CLNK: variants seen among roughly 807,000 people sequenced by gnomAD.
CLNK encodes cytokine dependent hematopoietic cell linker.
In CLNK, 74 loss-of-function variants were observed where a neutral mutation model predicts 68.6. The observed-to-expected ratio is 1.08, with a 90% CI of 0.89 to 1.31. CLNK has a LOEUF of 1.31. CLNK is among the 50% of genes most tolerant of loss of function. The pLI, the probability that CLNK is intolerant of heterozygous loss-of-function variation, is 0.00. For missense variants in CLNK, 553 were observed against 515.3 expected (o/e 1.07, Z -0.71); for synonymous variants, 198 against 172.2 (o/e 1.15, Z -1.17).
intron 7 of CLNK, among the ~76,000 whole-genome samples, chr4:10,563,061 C>A (rs1454836292): frequency 6.6e-6 from 1 of 152,200 alleles, no homozygotes; most frequent in Non-Finnish European, 1.5e-5. Context: ...TTTTTCATCA[C>A]TCGTCTTGCT....
Position 10,507,996 on chromosome 4 carries a change from C to G in CLNK, c.947G>C (p.Arg316Pro), listed in dbSNP as rs553669861. The G allele has an allele frequency of 2.5e-6, 4 of 1,610,662 alleles. No individual in the cohort carries two copies. The East Asian group carries it at 8.9e-5, about 36-fold the overall frequency. Residue 316 changes from arginine (R) to proline (P), a missense_variant, in exon 17 of 19, where the codon CGC (arginine) becomes CCC (proline). Coordinates refer to ENST00000226951, the MANE Select transcript of CLNK (RefSeq NM_052964.4). Reference sequence around the variant, plus strand: ...CATGAATGCCTCTTCCACTGCCTGGCGGCTGTATTCTCCAATGTACCATTC... The same window carrying G: ...CATGAATGCCTCTTCCACTGCCTGGGGGCTGTATTCTCCAATGTACCATTC... ...HNEWYIGEYS[R>P]QAVEEAFMKE...
At chr4:10,551,298 G>T (rs1023843893) in intron 8 of CLNK, among the ~76,000 whole-genome samples, 1 of 152,142 alleles carries the variant, frequency 6.6e-6, no homozygotes, top group Non-Finnish European at 1.5e-5. Flanking sequence ...ACGCTGGAGT[G>T]CAGTGGTGTG....
intron 17 of CLNK, among the ~76,000 whole-genome samples, chr4:10,502,895 A>G (rs1717112769): frequency 1.3e-5 from 2 of 152,046 alleles, no homozygotes; most frequent in South Asian, 4.2e-4. Flanking sequence ...AGAGGTGGAG[A>G]CTGAGGGTTT....
intron 15 of CLNK, among the ~76,000 whole-genome samples, chr4:10,518,502 G>A (rs1717929492): frequency 6.6e-6 from 1 of 152,124 alleles, no homozygotes; most frequent in Non-Finnish European, 1.5e-5. Flanking sequence ...AAGCATTGGT[G>A]AACAAACACT....
intron 14 of CLNK, among the ~76,000 whole-genome samples, chr4:10,523,144 A>G (rs894657800): frequency 6.6e-6 from 1 of 152,216 alleles, no homozygotes; most frequent in Non-Finnish European, 1.5e-5. Context: ...TTTTAGAGAT[A>G]TAATTTTGGG....
chr4:10,543,176 C>A (rs1688303639), intron 8 of CLNK, among the ~76,000 whole-genome samples: 1 of 152,066 alleles, frequency 6.6e-6, no homozygotes, highest in African/African-American at 2.4e-5. Context: ...GCATCATGAA[C>A]AATCTGATAA....
chr4:10,642,793 A>G (rs1373654642), intron 2 of CLNK, among the ~76,000 whole-genome samples: 1 of 152,184 alleles, frequency 6.6e-6, no homozygotes, highest in East Asian at 1.9e-4. Flanking sequence ...TCAACTCTAA[A>G]ATGGTAATAA....
At chr4:10,616,269 C>G (rs1164602789) in intron 2 of CLNK, among the ~76,000 whole-genome samples, 1 of 152,154 alleles carries the variant, frequency 6.6e-6, no homozygotes, top group Non-Finnish European at 1.5e-5. Flanking sequence ...ACTTACACCA[C>G]AGAAATTGGC....
chr4:10,595,768 C>G (rs1017954675), intron 3 of CLNK, among the ~76,000 whole-genome samples: 16 of 152,158 alleles, frequency 1.1e-4, no homozygotes, highest in Admixed American at 6.5e-5. Flanking sequence ...AAGTTATTCA[C>G]CCTCTCTGGG....
the CLNK span, among the ~76,000 whole-genome samples, chr4:10,715,878 G>A: frequency 2.0e-5 from 3 of 152,198 alleles, no homozygotes; most frequent in Non-Finnish European, 2.9e-5. Context: ...GCCTGCAGAT[G>A]TAGGAAAATG....
chr4:10,537,637 C>CTCTTTCTTTCTTTCTTTCTT (rs57141867), intron 11 of CLNK, among the ~76,000 whole-genome samples: 2 of 76,196 alleles, frequency 2.6e-5, no homozygotes, highest in African/African-American at 1.1e-4. Flanking sequence ...TTCTTTCTTT[C>CTCTTTCTTTCTTTCTTTCTT]TCTTTCTTTC....
At chr4:10,679,603 TG>T (rs1560276633) in intron 1 of CLNK, among the ~76,000 whole-genome samples, 1 of 152,186 alleles carries the variant, frequency 6.6e-6, no homozygotes, top group Admixed American at 6.5e-5. Flanking sequence ...AGAAAATTTT[TG>T]CAATCTACTC....
At chr4:10,705,426 A>G in the CLNK span, among the ~76,000 whole-genome samples, 1 of 152,202 alleles carries the variant, frequency 6.6e-6, no homozygotes, top group African/African-American at 2.4e-5. Context: ...GAATTCCAAA[A>G]TGAGTCTCAC....
At chr4:10,669,401 T>C (rs920136508) in intron 1 of CLNK, among the ~76,000 whole-genome samples, 4 of 152,206 alleles carry the variant, frequency 2.6e-5, no homozygotes, top group Non-Finnish European at 2.9e-5. Context: ...ATACTTGAGC[T>C]TTGTCTTGCC....
At chr4:10,585,720 G>C (rs1350981347) in intron 3 of CLNK, among the ~76,000 whole-genome samples, 3 of 152,162 alleles carry the variant, frequency 2.0e-5, no homozygotes, top group African/African-American at 7.2e-5. Context: ...AGGTGGCTGG[G>C]GTGGGATGAT....
At chr4:10,582,563 A>G (rs994965210) in intron 4 of CLNK, among the ~76,000 whole-genome samples, 1 of 152,162 alleles carries the variant, frequency 6.6e-6, no homozygotes, top group Non-Finnish European at 1.5e-5. Context: ...AGAAAAACTC[A>G]TGAGTTTATT....
chr4:10,728,847 C>T, the CLNK span, among the ~76,000 whole-genome samples: 6 of 152,028 alleles, frequency 3.9e-5, no homozygotes, highest in Non-Finnish European at 1.5e-5. Context: ...GATCTGCCCG[C>T]CTTGGCCTCC....
intron 3 of CLNK, among the ~76,000 whole-genome samples, chr4:10,588,838 G>T (rs1444792478): frequency 2.0e-5 from 3 of 151,612 alleles, no homozygotes; most frequent in Non-Finnish European, 2.9e-5. Context: ...ATATTATATG[G>T]TATATACTAT....
chr4:10,555,773 C>G (rs934360715), intron 8 of CLNK, among the ~76,000 whole-genome samples: 2 of 152,052 alleles, frequency 1.3e-5, no homozygotes, highest in Admixed American at 6.6e-5. Context: ...GTGTTTGCAT[C>G]AAAAATACAG....
Sources: allele counts gnomAD v4.1 joint callset (sites outside exome capture counted in the v4.1 genomes callset), GRCh38; gene constraint gnomAD v4.1.1; transcripts MANE v1.5; gene names NCBI Gene and HGNC (gene_info 2026-07-23, HGNC 2026-07-21).